Variants in RORA observed in about 807,000 individuals in gnomAD.
The protein encoded by RORA is nuclear receptor ROR-alpha.
Under a neutral mutation model 69.5 loss-of-function variants are expected in RORA, and 7 were observed. The observed-to-expected ratio is 0.10, with a 90% CI of 0.06 to 0.19. The LOEUF is 0.19. Ranked by LOEUF, RORA falls within the 10% of genes least tolerant of loss-of-function variation. RORA has a pLI of 1.00. For missense variants in RORA, 457 were observed against 663.0 expected (o/e 0.69, Z 3.41); for synonymous variants, 261 against 240.8 (o/e 1.08, Z -0.78).
intron 1 of RORA, among the ~76,000 whole-genome samples, chr15:61,099,226 T>G (rs1458545514): frequency 6.6e-6 from 1 of 152,250 alleles, no homozygotes; most frequent in African/African-American, 2.4e-5. Context: ...TTACTCAGAT[T>G]GGAATGGGAA....
At chr15:60,747,322 G>C (rs2071663025) in intron 1 of RORA, among the ~76,000 whole-genome samples, 1 of 152,178 alleles carries the variant, frequency 6.6e-6, no homozygotes, top group Non-Finnish European at 1.5e-5. Flanking sequence ...TTATCCACCA[G>C]CTTCAAGGGA....
intron 2 of RORA, among the ~76,000 whole-genome samples, chr15:60,617,884 A>C (rs1415873106): frequency 6.6e-6 from 1 of 152,156 alleles, no homozygotes; most frequent in African/African-American, 2.4e-5. Flanking sequence ...TGGCTATGTC[A>C]GGGTGTTGCT....
At chr15:61,117,548 A>C (rs565683309) in intron 1 of RORA, among the ~76,000 whole-genome samples, 3 of 152,178 alleles carry the variant, frequency 2.0e-5, no homozygotes, top group Non-Finnish European at 4.4e-5. Context: ...ATTTATAGAA[A>C]CTGTAACCTT....
At chr15:60,993,146 T>C (rs1373182702) in intron 1 of RORA, among the ~76,000 whole-genome samples, 1 of 152,212 alleles carries the variant, frequency 6.6e-6, no homozygotes, top group Non-Finnish European at 1.5e-5. Flanking sequence ...AGTGGTAACA[T>C]TTCCAAGTTG....
chr15:60,654,891 C>T (rs1333374449), intron 2 of RORA, among the ~76,000 whole-genome samples: 3 of 152,180 alleles, frequency 2.0e-5, no homozygotes, highest in Non-Finnish European at 4.4e-5. Context: ...AAGGAACTGG[C>T]TGAGTGTTAG....
chr15:61,083,008 C>T (rs2078567987), intron 1 of RORA, among the ~76,000 whole-genome samples: 1 of 152,170 alleles, frequency 6.6e-6, no homozygotes, highest in South Asian at 2.1e-4. Flanking sequence ...CTTCAGTGCT[C>T]TATGCTAAAC....
chr15:61,030,684 C>T (rs908387290), intron 1 of RORA, among the ~76,000 whole-genome samples: 5 of 152,136 alleles, frequency 3.3e-5, no homozygotes, highest in Non-Finnish European at 4.4e-5. Flanking sequence ...TGATTATGAA[C>T]AAAACAATGC....
chr15:60,659,494 C>A (rs1385278681), intron 2 of RORA, among the ~76,000 whole-genome samples: 1 of 152,198 alleles, frequency 6.6e-6, no homozygotes, highest in Non-Finnish European at 1.5e-5. Flanking sequence ...CTTTTCGCTA[C>A]CTGAAAGGAA....
chr15:61,062,508 T>C (rs1025412823), intron 1 of RORA, among the ~76,000 whole-genome samples: 1 of 152,038 alleles, frequency 6.6e-6, no homozygotes, highest in African/African-American at 2.4e-5. Flanking sequence ...TAGGGGAGTG[T>C]TGAGAGACAG....
At chr15:61,164,101 G>T (rs533431136) in intron 1 of RORA, among the ~76,000 whole-genome samples, 1 of 151,936 alleles carries the variant, frequency 6.6e-6, no homozygotes, top group African/African-American at 2.4e-5. Context: ...TGCATCAATG[G>T]TACAGCCAAT....
At chr15:60,902,870 G>A (rs958670945) in intron 1 of RORA, among the ~76,000 whole-genome samples, 4 of 152,154 alleles carry the variant, frequency 2.6e-5, no homozygotes, top group African/African-American at 7.2e-5. Context: ...AGCTGCCCAC[G>A]GAATGCTCTG....
chr15:61,091,539 C>T (rs536486952), intron 1 of RORA, among the ~76,000 whole-genome samples: 59 of 152,278 alleles, frequency 3.9e-4, no homozygotes, highest in African/African-American at 1.3e-3. Context: ...TGTGGGGCTC[C>T]GGCAGAAGAT....
At chr15:60,780,249 T>C (rs1198777918) in intron 1 of RORA, among the ~76,000 whole-genome samples, 2 of 152,224 alleles carry the variant, frequency 1.3e-5, no homozygotes, top group Non-Finnish European at 2.9e-5. Flanking sequence ...GAGACTCTTA[T>C]GTCCAATTCA....
intron 1 of RORA, among the ~76,000 whole-genome samples, chr15:61,006,520 G>A (rs1325021483): frequency 6.6e-6 from 1 of 152,094 alleles, no homozygotes; most frequent in Non-Finnish European, 1.5e-5. Context: ...CATGTGCCCT[G>A]GGAAAGGTCA....
chr15:61,223,177 G>T (rs1005042997), intron 1 of RORA, among the ~76,000 whole-genome samples: 11 of 151,958 alleles, frequency 7.2e-5, no homozygotes, highest in African/African-American at 2.7e-4. Flanking sequence ...AGCTGGGCAT[G>T]GTGGTGCGCA....
chr15:60,751,485 C>T (rs1336093514), intron 1 of RORA, among the ~76,000 whole-genome samples: 2 of 152,142 alleles, frequency 1.3e-5, no homozygotes, highest in East Asian at 1.9e-4. Flanking sequence ...TGAAAATATG[C>T]ATGTTTATTT....
rs908872523 is a variant in RORA at position 60,534,303 on chromosome 15, G to A, written c.197-2452C>T. On this transcript the variant is annotated intron_variant, in intron 2 of 10. Coordinates refer to ENST00000335670, the MANE Select transcript of RORA (RefSeq NM_134261.3). The surrounding 1 kb of genome is among the most constrained non-coding windows in gnomAD (Gnocchi z 5.0). ...GGGTGAGGGTAGGGGTGCGGGTGGG[G>A]AGCAGTTGTAGTACAGACCCCAGAG... Among the ~76,000 whole-genome samples the A allele has an allele frequency of 3.3e-5, 5 of 152,166 alleles. No homozygotes were observed. The highest frequency in any genetic ancestry group is 2.4e-5 in the African/African-American group (1 of 41,430).
chr15:61,218,625 AT>A (rs1596080332), intron 1 of RORA, among the ~76,000 whole-genome samples: 5 of 151,218 alleles, frequency 3.3e-5, no homozygotes, highest in African/African-American at 1.2e-4. Context: ...CCACTTTATC[AT>A]TTCATCATTT....
At chr15:60,835,841 C>T (rs1229387515) in intron 1 of RORA, among the ~76,000 whole-genome samples, 2 of 152,174 alleles carry the variant, frequency 1.3e-5, no homozygotes, top group African/African-American at 4.8e-5. Flanking sequence ...ACTCTAAAGC[C>T]AGAAAATATT....
Sources: gnomAD v4.1 joint callset for allele counts (sites outside exome capture counted in the v4.1 genomes callset) on GRCh38, gnomAD v4.1.1 for gene constraint, Gnocchi (gnomAD v3.1) non-coding constraint, MANE v1.5 for transcripts, NCBI Gene and HGNC (gene_info 2026-07-23, HGNC 2026-07-21) for gene names.